C7orf78: variants seen among roughly 807,000 people sequenced by gnomAD.
C7orf78 encodes the protein chromosome 7 open reading frame 78, also known as putative uncharacterized protein C7orf78.
chr7:12,497,232 C>G, the C7orf78 span, among the ~76,000 whole-genome samples: 1 of 151,988 alleles, frequency 6.6e-6, no homozygotes, highest in Admixed American at 6.6e-5. Flanking sequence ...CCAAGATGGC[C>G]GAATAGGAAC....
chr7:12,539,001 C>T, the C7orf78 span, among the ~76,000 whole-genome samples: 3 of 152,172 alleles, frequency 2.0e-5, no homozygotes, highest in Non-Finnish European at 4.4e-5. Context: ...CCAGAGCAAG[C>T]CTGCTGGCTT....
chr7:12,496,189 T>A, the C7orf78 span, among the ~76,000 whole-genome samples: 9 of 152,176 alleles, frequency 5.9e-5, no homozygotes, highest in Non-Finnish European at 1.3e-4. Context: ...CCTCCCAAAG[T>A]GCTGGGAATA....
chr7:12,515,482 C>A, the C7orf78 span, among the ~76,000 whole-genome samples: 1 of 152,294 alleles, frequency 6.6e-6, no homozygotes, highest in East Asian at 1.9e-4. Context: ...TGGACCAATA[C>A]ACTAAATTGG....
At chr7:12,534,060 C>T in the C7orf78 span, among the ~76,000 whole-genome samples, 1 of 152,064 alleles carries the variant, frequency 6.6e-6, no homozygotes, top group South Asian at 2.1e-4. Context: ...CACACAGATC[C>T]CTATGAAGGT....
chr7:12,491,854 A>C, the C7orf78 span: 3 of 152,194 alleles, frequency 2.0e-5, no homozygotes, highest in Non-Finnish European at 4.4e-5. Flanking sequence ...CAAATATGAC[A>C]TTTAGTTTAC....
chr7:12,518,059 T>C, the C7orf78 span, among the ~76,000 whole-genome samples: 1 of 152,228 alleles, frequency 6.6e-6, no homozygotes, highest in Non-Finnish European at 1.5e-5. Context: ...TTATCTATGA[T>C]GTTTGTTGGG....
chr7:12,498,454 C>T, the C7orf78 span, among the ~76,000 whole-genome samples: 9 of 150,900 alleles, frequency 6.0e-5, no homozygotes, highest in Admixed American at 2.6e-4. Flanking sequence ...CCTCAGGAGC[C>T]GATGCGATCA....
chr7:12,488,618 C>T, the C7orf78 span, among the ~76,000 whole-genome samples: 5 of 151,738 alleles, frequency 3.3e-5, no homozygotes, highest in African/African-American at 1.2e-4. Context: ...CCCATATGGC[C>T]AGCTGCACCT....
At chr7:12,483,968 T>C in the C7orf78 span, 6 of 152,174 alleles carry the variant, frequency 3.9e-5, no homozygotes, top group African/African-American at 1.4e-4. Flanking sequence ...TTGCTGTATG[T>C]TTCTCTTATT....
the C7orf78 span, among the ~76,000 whole-genome samples, chr7:12,503,329 A>G: frequency 1.3e-5 from 2 of 152,112 alleles, no homozygotes; most frequent in East Asian, 3.8e-4. Flanking sequence ...ATATTCAATA[A>G]TACCAATGAA....
chr7:12,486,429 G>C, the C7orf78 span, among the ~76,000 whole-genome samples: 1 of 151,740 alleles, frequency 6.6e-6, no homozygotes, highest in African/African-American at 2.4e-5. Context: ...TGGTGCCTTA[G>C]TTCCATAGCA....
the C7orf78 span, among the ~76,000 whole-genome samples, chr7:12,530,012 A>ATGGTATACTGTCATGACAC: frequency 0.59 from 89,888 of 151,944 alleles, 27,385 homozygotes; most frequent in African/African-American, 0.74. Context: ...TGCCACAGCA[A>ATGGTATACTGTCATGACAC]TGGTGGGGCT....
At chr7:12,492,159 G>T in the C7orf78 span, among the ~76,000 whole-genome samples, 5 of 152,056 alleles carry the variant, frequency 3.3e-5, no homozygotes, top group South Asian at 1.0e-3. Context: ...GGATGGGTGG[G>T]ATATGTCTTT....
the C7orf78 span, among the ~76,000 whole-genome samples, chr7:12,500,930 G>A: frequency 4.7e-5 from 7 of 149,960 alleles, no homozygotes; most frequent in South Asian, 2.1e-4. Flanking sequence ...TTGAATATAC[G>A]CAAATCAATA....
the C7orf78 span, among the ~76,000 whole-genome samples, chr7:12,486,470 A>G: frequency 7.9e-5 from 12 of 151,918 alleles, no homozygotes; most frequent in Non-Finnish European, 1.5e-4. Flanking sequence ...CTAACAATAC[A>G]AGGTCAATAT....
chr7:12,495,777 T>C, the C7orf78 span, among the ~76,000 whole-genome samples: 137 of 152,328 alleles, frequency 9.0e-4, no homozygotes, highest in African/African-American at 3.2e-3. Context: ...TTTAAGTTAT[T>C]CCATTTATAC....
the C7orf78 span, chr7:12,496,740 A>C: frequency 6.6e-6 from 1 of 152,246 alleles, no homozygotes; most frequent in Non-Finnish European, 1.5e-5. Flanking sequence ...ACTAAACATA[A>C]GTAGGTATTT....
chr7:12,516,180 C>A, the C7orf78 span, among the ~76,000 whole-genome samples: 1 of 152,182 alleles, frequency 6.6e-6, no homozygotes, highest in African/African-American at 2.4e-5. Context: ...CTACGTGCAG[C>A]CTAGGGACTT....
At chr7:12,487,466 G>C in the C7orf78 span, among the ~76,000 whole-genome samples, 3 of 152,060 alleles carry the variant, frequency 2.0e-5, no homozygotes, top group Non-Finnish European at 4.4e-5. Flanking sequence ...CAAGGAGAGA[G>C]TAAACCAATG....
Sources: allele counts gnomAD v4.1 joint callset (sites outside exome capture counted in the v4.1 genomes callset), GRCh38; gene constraint gnomAD v4.1.1; transcripts MANE v1.5; gene names NCBI Gene and HGNC (gene_info 2026-07-23, HGNC 2026-07-21).